FBN3: variants seen among roughly 807,000 people sequenced by gnomAD.
The protein encoded by FBN3 is fibrillin 3, also known as fibrillin-3.
A neutral mutation model predicts 330.1 loss-of-function variants in FBN3; 234 were observed. The ratio of observed to expected loss-of-function variants is 0.71; its 90% CI spans 0.64 to 0.79. The LOEUF is 0.79. Ranked by LOEUF, FBN3 falls within the 30% of genes least tolerant of loss-of-function variation. The pLI is 0.00. For synonymous variants in FBN3, 1,458 were observed against 1,517.3 expected (o/e 0.96, Z 0.91); for missense variants, 3,606 against 3,886.9 (o/e 0.93, Z 1.92).
Position 8,121,179 on chromosome 19 carries a change from C to T in FBN3, c.3211+79G>A, listed in dbSNP as rs2082839161. 2 of 1,370,562 alleles carry T rather than the reference C, an allele frequency of 1.5e-6. No individual in the cohort carries two copies. The highest frequency in any genetic ancestry group is 1.4e-5 in the South Asian group (1 of 71,690). The allele number at this position is 1,370,562 out of a possible 1,614,324, so 84.9% of individuals were successfully genotyped here. ...CCCTCCATCCACGTCCACACAGCAA[C>T]AGCCGTCCCCACCCTCCCTCTCCTC... On this transcript the variant is annotated intron_variant, in intron 25 of 63. Transcript: ENST00000600128. This position sits in a 1 kb window ranked among gnomAD's most constrained non-coding sequence, Gnocchi z 4.5.
At position 8,129,347 on chromosome 19, in the gene FBN3, A is replaced by G. The variant is rs758115522; in HGVS notation, c.2063T>C (p.Leu688Pro). 6.2e-7 allele frequency: 1 copy of G among 1,614,136 alleles called. No homozygotes were observed. Among genetic ancestry groups the G allele is most frequent in the Non-Finnish European group, 8.5e-7 (1 of 1,180,004 alleles). The change falls in exon 17 of 64, where the codon CTG becomes CCG. Residue 688 changes from leucine (L) to proline (P), a missense_variant. Leu to Pro is a moderately conservative substitution (Grantham distance 98). Transcript: ENST00000600128. This position sits in a 1 kb window ranked among gnomAD's most constrained non-coding sequence, Gnocchi z 4.5. ...GCCATTGGCACAAACCTCAGGATCCAGAGCACACTCGTTGATGTCTGCGGC... is the reference window on the plus strand; with the variant it reads ...GCCATTGGCACAAACCTCAGGATCCGGAGCACACTCGTTGATGTCTGCGGC... ...TDGRDINECA[L>P]DPEVCANGVC...
chr19:8,105,303 G>T (rs112108346), intron 38 of FBN3, among the ~76,000 whole-genome samples: 5,586 of 150,226 alleles, frequency 0.037, 353 homozygotes, highest in African/African-American at 0.13. Context: ...TGTCACCCAG[G>T]CTGGAGTACA....
Position 8,131,535 on chromosome 19 carries a change from C to T in FBN3, c.1990+19G>A, listed in dbSNP as rs374425559. The T allele has an allele frequency of 1.0e-5, 16 of 1,588,890 alleles. No individual in the cohort carries two copies. The highest frequency in any genetic ancestry group is 6.7e-5 in the African/African-American group (5 of 74,618). ...TTCAGACCAAGGAGGCGATGGGGACCGGGCAGCCGGATGCTCACCGGAGTC... is the reference window on the plus strand; with the variant it reads ...TTCAGACCAAGGAGGCGATGGGGACTGGGCAGCCGGATGCTCACCGGAGTC... On this transcript the variant is annotated intron_variant, in intron 15 of 63. Coordinates refer to ENST00000600128, the MANE Select transcript of FBN3 (RefSeq NM_032447.5). This position sits in a 1 kb window ranked among gnomAD's most constrained non-coding sequence, Gnocchi z 4.5.
chr19:8,103,458 T>G (rs1039466059), intron 39 of FBN3, 104 bp downstream of exon 39: 23 of 1,226,488 alleles, frequency 1.9e-5, no homozygotes, highest in Middle Eastern at 2.7e-4. Context: ...ACTTCATATA[T>G]GCTTACCCTC....
At chr19:8,099,188 TA>T (rs745430465) in intron 41 of FBN3, among the ~76,000 whole-genome samples, 1 of 149,388 alleles carries the variant, frequency 6.7e-6, no homozygotes, top group African/African-American at 2.5e-5. Flanking sequence ...ATTCCAGCCA[TA>T]AAGCATAAGA....
chr19:8,118,831 A>C, intron 26 of FBN3, 66 bp downstream of exon 26: 2 of 1,562,862 alleles, frequency 1.3e-6, no homozygotes, highest in Non-Finnish European at 1.8e-6. Flanking sequence ...CACATTCACC[A>C]GACATCCACT....
intron 41 of FBN3, among the ~76,000 whole-genome samples, chr19:8,099,276 A>AT (rs386388494): frequency 0.24 from 23,338 of 98,818 alleles, 3,995 homozygotes; most frequent in Middle Eastern, 0.33. Flanking sequence ...TCATGGTTTG[A>AT]TTTTTTTTTT....
chr19:8,133,050 C>A lies in FBN3; in HGVS notation c.1648G>T (p.Asp550Tyr). Residue 550 changes from aspartate (D) to tyrosine (Y), a missense_variant, in exon 14 of 64, where the codon GAT becomes TAT. Asp to Tyr is a radical substitution (Grantham distance 160, BLOSUM62 -3). Transcript: ENST00000600128. ...MCVNGVCLNEDGSFSCLCKPG... is the reference protein window; with the variant it reads ...MCVNGVCLNEYGSFSCLCKPG... Reference sequence around the variant, plus strand: ...TTGCAGAGGCAGGAGAAGCTGCCATCCTCGTTGAGACACACGCCGTTGACG... The same window carrying A: ...TTGCAGAGGCAGGAGAAGCTGCCATACTCGTTGAGACACACGCCGTTGACG... 6.3e-7 allele frequency: 1 copy of A among 1,586,596 alleles called. No individual in the cohort carries two copies. Among genetic ancestry groups the A allele is most frequent in the Admixed American group, 1.8e-5 (1 of 55,484 alleles).
At chr19:8,146,103 C>T (rs751389565) in intron 4 of FBN3, 24 bp downstream of exon 4, 26 of 1,561,680 alleles carry the variant, frequency 1.7e-5, no homozygotes, top group Middle Eastern at 1.7e-4. Context: ...TTCTCCCTCC[C>T]GCAAGAGGCC....
rs200012235 is a variant in FBN3 at position 8,118,842 on chromosome 19, C to T, written c.3337+55G>A. On this transcript the variant is annotated intron_variant, in intron 26 of 63. Coordinates refer to ENST00000600128, the MANE Select transcript of FBN3 (RefSeq NM_032447.5). ...AGCCCACATTCACCAGACATCCACT[C>T]ACTTTCACACACATGGGCTAACACT... 1.1e-3 allele frequency: 1,797 copies of T among 1,573,052 alleles called. 2 individuals are homozygous for T. Among genetic ancestry groups the T allele is most frequent in the Non-Finnish European group, 1.4e-3 (1,638 of 1,149,062 alleles).
At chr19:8,134,736 C>T (rs2083238583) in intron 13 of FBN3, among the ~76,000 whole-genome samples, 1 of 151,388 alleles carries the variant, frequency 6.6e-6, no homozygotes, top group Non-Finnish European at 1.5e-5. Context: ...GAGTTCGAGA[C>T]CAGCCTGGCC....
intron 41 of FBN3, among the ~76,000 whole-genome samples, chr19:8,099,622 G>C (rs147867788): frequency 2.6e-5 from 4 of 152,146 alleles, no homozygotes; most frequent in Non-Finnish European, 5.9e-5. Flanking sequence ...AATATATTCA[G>C]AGGATTAAAA....
At chr19:8,094,420 A>T (rs1281545226) in intron 47 of FBN3, 26 bp downstream of exon 47, 1 of 1,587,878 alleles carries the variant, frequency 6.3e-7, no homozygotes, top group Non-Finnish European at 8.6e-7. Flanking sequence ...CTGGCGCCAG[A>T]AACGGGAGTG....
At chr19:8,102,525 T>C (rs565160218) in intron 40 of FBN3, among the ~76,000 whole-genome samples, 199 bp downstream of exon 40, 1 of 152,142 alleles carries the variant, frequency 6.6e-6, no homozygotes. Flanking sequence ...GCCAAACCTC[T>C]TTTTCTTTAT....
At chr19:8,140,331 G>A (rs1048168211) in intron 8 of FBN3, among the ~76,000 whole-genome samples, 1 of 152,224 alleles carries the variant, frequency 6.6e-6, no homozygotes, top group African/African-American at 2.4e-5. Flanking sequence ...GGGCATGGTG[G>A]TGGGTGCCTG....
chr19:8,123,548 C>G lies in FBN3; in HGVS notation c.2998G>C (p.Gly1000Arg). The stretch of plus-strand genomic sequence containing the variant: ...CTGCCCACCGTGTTTCTGCAGGTAC[C>G]GTGCGTGCAGAGGCCAGGGAACACC... ...CKVFPGLCTHGTCRNTVGSFH... is the reference protein window; with the variant it reads ...CKVFPGLCTHRTCRNTVGSFH... The change falls in exon 24 of 64, where the codon GGT (glycine) becomes CGT (arginine). Residue 1000 changes from glycine to arginine, a missense_variant. Gly to Arg is a moderately radical substitution (Grantham distance 125). Coordinates refer to ENST00000600128, the MANE Select transcript of FBN3 (RefSeq NM_032447.5). 8 of 1,614,126 alleles carry G rather than the reference C, an allele frequency of 5.0e-6. No individual in the cohort carries two copies. Among genetic ancestry groups the G allele is most frequent in the Non-Finnish European group, 6.8e-6 (8 of 1,179,988 alleles).
chr19:8,110,437 G>C (rs1204414738), intron 34 of FBN3, among the ~76,000 whole-genome samples: 1 of 152,150 alleles, frequency 6.6e-6, no homozygotes, highest in Non-Finnish European at 1.5e-5. Flanking sequence ...TCCACCACCT[G>C]TTTGTGTCAA....
intron 54 of FBN3, among the ~76,000 whole-genome samples, chr19:8,086,527 G>A (rs1247606202): frequency 6.7e-6 from 1 of 149,188 alleles, no homozygotes; most frequent in Non-Finnish European, 1.5e-5. Context: ...CCTGATCTTG[G>A]GTCACTACAA....
At chr19:8,118,808 C>CA in intron 26 of FBN3, 89 bp downstream of exon 26, 1 of 1,503,900 alleles carries the variant, frequency 6.6e-7, no homozygotes, top group South Asian at 1.2e-5. Flanking sequence ...CCCACCCTCT[C>CA]ACTCATCCAG....
Sources: gnomAD v4.1 joint callset for allele counts (sites outside exome capture counted in the v4.1 genomes callset) on GRCh38, gnomAD v4.1.1 for gene constraint, Gnocchi (gnomAD v3.1) non-coding constraint, MANE v1.5 for transcripts, NCBI Gene and HGNC (gene_info 2026-07-23, HGNC 2026-07-21) for gene names.